IRF8: variants seen among roughly 807,000 people sequenced by gnomAD.
IRF8 encodes the protein interferon consensus sequence binding protein 1.
IRF8 carries 14 observed loss-of-function variants against 48.7 expected under a neutral mutation model. That is an observed-to-expected ratio of 0.29 (90% CI 0.19 to 0.45). The LOEUF is 0.45. Among genes scored for constraint, IRF8 ranks in the 20% least tolerant of loss-of-function variants. IRF8 has a pLI of 1.00. For synonymous variants in IRF8, 278 were observed against 227.3 expected, an observed-to-expected ratio of 1.22 and a Z score of -2.01; for missense variants, 493 against 580.7, an observed-to-expected ratio of 0.85 and a Z score of 1.55.
chr16:85,914,335 C>A, intron 5 of IRF8, 138 bp from the exon 6 acceptor site: 2 of 908,284 alleles, frequency 2.2e-6, no homozygotes, highest in Non-Finnish European at 3.6e-6. Flanking sequence ...CTGAATTCAG[C>A]GGAAGCCTGT....
At chr16:85,919,633 T>C (rs1270535467) in intron 7 of IRF8, among the ~76,000 whole-genome samples, 1 of 152,216 alleles carries the variant, frequency 6.6e-6, no homozygotes, top group Admixed American at 6.5e-5. Context: ...CATCCTCTGA[T>C]TCCATGGGTC....
At chr16:85,905,981 C>G (rs1433029555) in intron 2 of IRF8, among the ~76,000 whole-genome samples, 3 of 152,172 alleles carry the variant, frequency 2.0e-5, no homozygotes, top group Non-Finnish European at 2.9e-5. Flanking sequence ...TGTACCGACC[C>G]TGAGTACACT....
intron 1 of IRF8, among the ~76,000 whole-genome samples, chr16:85,899,544 C>G (rs1904757240): frequency 6.6e-6 from 1 of 152,262 alleles, no homozygotes; most frequent in South Asian, 2.1e-4. Flanking sequence ...AATAGCAACC[C>G]CCTATCTTGA....
Position 85,903,104 on chromosome 16 carries a change from A to C in IRF8, c.89A>C (p.Asn30Thr), listed in dbSNP as rs779381872. ...SSMYPGLIWENEEKSMFRIPW... is the reference protein window; with the variant it reads ...SSMYPGLIWETEEKSMFRIPW... ...ATGTATCCAGGACTGATTTGGGAGA[A>C]TGAGGAGAAGAGCATGTTCCGGATC... Residue 30 changes from asparagine to threonine, a missense_variant, in exon 2 of 9, where the codon AAT (asparagine) becomes ACT (threonine). This residue lies in a region of IRF8 where 54 missense variants were observed against 59.9 expected (regional missense o/e 0.90). Transcript: ENST00000268638. 6.2e-7 allele frequency: 1 copy of C among 1,614,186 alleles called. No individual in the cohort carries two copies. The highest frequency in any genetic ancestry group is 8.5e-7 in the Non-Finnish European group (1 of 1,180,010).
In IRF8 at chr16:85,914,420, C is replaced by A. The variant is rs533128606; in HGVS notation, c.554-53C>A. The A allele has an allele frequency of 9.9e-6, 16 of 1,611,160 alleles. No homozygotes were observed. The East Asian group carries it at 3.3e-4, about 34-fold the overall frequency. On this transcript the variant is annotated intron_variant, in intron 5 of 8. Transcript: ENST00000268638. ...GGAGAAGGAGCGATTGGGGTTACTC[C>A]CTGTACACCACACCTGGGTGGCTCT...
At chr16:85,910,195 G>C (rs1905105058) in intron 3 of IRF8, among the ~76,000 whole-genome samples, 1 of 152,218 alleles carries the variant, frequency 6.6e-6, no homozygotes, top group Admixed American at 6.5e-5. Context: ...GGTGGACAGA[G>C]AATCCGAGGT....
At chr16:85,904,812 CTTTTTT>C (rs1177860791) in intron 2 of IRF8, among the ~76,000 whole-genome samples, 6 of 87,596 alleles carry the variant, frequency 6.8e-5, no homozygotes, top group Non-Finnish European at 1.1e-4. Context: ...GATTGCAGAT[CTTTTTT>C]TTTTTTTTTT....
rs150068612 is a variant in IRF8, at chr16:85,903,980, C to T, written c.174+791C>T. ...GATCAACAGAGATTTCTTGCCATTA[C>T]ACCTAGATTCAGACAGAGGAACCAG... On this transcript the variant is annotated intron_variant, in intron 2 of 8. Coordinates refer to ENST00000268638, the MANE Select transcript of IRF8 (RefSeq NM_002163.4). 2.1e-3 allele frequency among the ~76,000 whole-genome samples: 324 copies of T among 152,326 alleles called. 1 individual carries two copies. Among genetic ancestry groups the T allele is most frequent in the South Asian group, 0.015 (71 of 4,824 alleles).
At chr16:85,915,003 G>A (rs915796913) in intron 6 of IRF8, among the ~76,000 whole-genome samples, 45 of 152,334 alleles carry the variant, frequency 3.0e-4, no homozygotes, top group African/African-American at 9.9e-4. Flanking sequence ...CTGTCCCAGC[G>A]CTGCCTCTCT....
chr16:85,907,405 C>A (rs572917893), intron 2 of IRF8, among the ~76,000 whole-genome samples: 1 of 152,354 alleles, frequency 6.6e-6, no homozygotes, highest in East Asian at 1.9e-4. Flanking sequence ...CTGGGCCGGG[C>A]GCGGTGGCTC....
intron 6 of IRF8, among the ~76,000 whole-genome samples, chr16:85,917,661 A>T (rs1905360306): frequency 6.6e-6 from 1 of 152,242 alleles, no homozygotes. Context: ...CAGTGCCATT[A>T]TTCAAAAGGG....
At chr16:85,919,094 C>G (rs989805484) in intron 7 of IRF8, among the ~76,000 whole-genome samples, 1 of 152,136 alleles carries the variant, frequency 6.6e-6, no homozygotes, top group East Asian at 1.9e-4. Context: ...CCTCATGTAC[C>G]TTGGAGTATG....
intron 2 of IRF8, among the ~76,000 whole-genome samples, chr16:85,904,649 C>T (rs58955462): frequency 1.3e-5 from 2 of 152,184 alleles, no homozygotes; most frequent in African/African-American, 4.8e-5. Flanking sequence ...GAACGCTTTG[C>T]ACTCACTTTC....
At chr16:85,920,888 T>A (rs1370010907) in intron 8 of IRF8, among the ~76,000 whole-genome samples, 2 of 152,100 alleles carry the variant, frequency 1.3e-5, no homozygotes, top group African/African-American at 4.8e-5. Flanking sequence ...TCTCTAATGG[T>A]GGGATCCTGG....
rs1597254059 is a variant in IRF8, at chr16:85,913,330, AT to A, written c.553+95del. ...GGACGGAGTGGGGGTGGTTGTTGCT[AT>A]CATGATCCATGTCTCATTAAAGGTA... is the stretch of plus-strand genomic sequence containing the variant. On this transcript the variant is annotated intron_variant, in intron 5 of 8. Transcript: ENST00000268638. The A allele has an allele frequency of 3.4e-6, 3 of 872,108 alleles. No individual in the cohort carries two copies. The East Asian group carries it at 7.4e-5, about 21-fold the overall frequency. The allele number at this position is 872,108 out of a possible 1,614,324, so 54.0% of individuals were successfully genotyped here.
intron 6 of IRF8, among the ~76,000 whole-genome samples, chr16:85,916,781 C>T (rs1047412612): frequency 3.3e-5 from 5 of 152,134 alleles, no homozygotes; most frequent in African/African-American, 1.2e-4. Context: ...TGTGTGGAGT[C>T]CGCAGGCAGT....
intron 1 of IRF8, 133 bp from the exon 2 acceptor site, chr16:85,902,882 C>G (rs942256340): frequency 1.1e-6 from 1 of 945,174 alleles, no homozygotes; most frequent in Admixed American, 1.7e-5. Context: ...CCCGGAGTCC[C>G]TGAATCTGTG....
At position 85,921,109 on chromosome 16, in the gene IRF8, G is replaced by C. The variant is rs1292712320; in HGVS notation, c.1108G>C (p.Glu370Gln). The C allele has an allele frequency of 2.5e-6, 4 of 1,612,566 alleles. No homozygotes were observed. The highest frequency in any genetic ancestry group is 3.4e-6 in the Non-Finnish European group (4 of 1,179,378). The change falls in exon 9 of 9, where the codon GAG (glutamate) becomes CAG (glutamine). Residue 370 changes from glutamate to glutamine, a missense_variant. Glu to Gln is a conservative substitution (Grantham distance 29). Around this residue, in one of 3 missense-constraint regions of IRF8, gnomAD observed 408 missense variants for 449.6 expected, o/e 0.91. Transcript: ENST00000268638. ...LRSKLILVQI[E>Q]QLYVRQLAEE... ...ACTTTCTGCACCTCCCATCTAGATT[G>C]AGCAGCTGTATGTCCGGCAACTGGC...
In IRF8 at chr16:85,921,314, G is replaced by C. The variant is rs771149633; in HGVS notation, c.*32G>C. The C allele has an allele frequency of 1.2e-6, 2 of 1,605,324 alleles. No individual in the cohort carries two copies. The highest frequency in any genetic ancestry group is 1.3e-5 in the African/African-American group (1 of 74,842). Reference sequence around the variant, plus strand: ...CGCTTGGGCGCCCCACCCCGTCTGCGTCCTGCATCCATCTCCCTGTTACAG... The same window carrying C: ...CGCTTGGGCGCCCCACCCCGTCTGCCTCCTGCATCCATCTCCCTGTTACAG... On this transcript the variant is annotated 3_prime_UTR_variant, in exon 9 of 9. Transcript: ENST00000268638.
Sources: allele counts gnomAD v4.1 joint callset (sites outside exome capture counted in the v4.1 genomes callset), GRCh38; gene constraint gnomAD v4.1.1; regional missense constraint gnomAD v4.1.1; transcripts MANE v1.5; gene names NCBI Gene and HGNC (gene_info 2026-07-23, HGNC 2026-07-21).